SPRR2F: variants seen among roughly 807,000 people sequenced by gnomAD.
The protein encoded by SPRR2F is small proline-rich protein 2F.
In SPRR2F, 2 loss-of-function variants were observed where a neutral mutation model predicts 0.8. The observed-to-expected ratio is 2.52, with a 90% CI of 1.03 to 7.95. The LOEUF (loss-of-function observed/expected upper bound fraction) is 7.95, where lower values mean the gene tolerates loss of function less well. Among genes scored for constraint, SPRR2F ranks in the 30% most tolerant of loss-of-function variants. SPRR2F has a pLI of 0.04. For missense variants in SPRR2F, 80 were observed against 85.8 expected, an observed-to-expected ratio of 0.93 and a Z score of 0.27; for synonymous variants, 39 against 33.4, an observed-to-expected ratio of 1.17 and a Z score of -0.58.
At chr1:153,114,821 T>G (rs1187862383), upstream of SPRR2F, among the ~76,000 whole-genome samples, 1 of 152,212 alleles carries the variant, frequency 6.6e-6, no homozygotes, top group Non-Finnish European at 1.5e-5. Flanking sequence ...CTCTTTCATA[T>G]CTTTTGTAAA....
At position 153,112,359 on chromosome 1, in the gene SPRR2F, G is replaced by T; in HGVS notation, c.*156C>A. ...GGCAGCCTCAAAAAGAAAACCTTTT[G>T]CTATCAGAGATCATCACAGGCCGAT... On this transcript the variant is annotated 3_prime_UTR_variant, in exon 2 of 2. Transcript: ENST00000468739. The T allele has an allele frequency of 7.3e-7, 1 of 1,368,876 alleles. No homozygotes were observed. Among genetic ancestry groups the T allele is most frequent in the Non-Finnish European group, 9.9e-7 (1 of 1,010,792 alleles). The allele number at this position is 1,368,876 out of a possible 1,614,324, so 84.8% of individuals were successfully genotyped here. A position where few individuals can be genotyped will look rare whatever the true frequency, so the allele number is the denominator to read the frequency against.
At chr1:153,118,639 G>T in the SPRR2F span, among the ~76,000 whole-genome samples, 1 of 151,944 alleles carries the variant, frequency 6.6e-6, no homozygotes, top group Non-Finnish European at 1.5e-5. Context: ...AAATGAGGGC[G>T]AAATTATAAC....
In SPRR2F at chr1:153,112,240, C is replaced by A; in HGVS notation, c.*275G>T. ...ACATCAACAGAATTCTCTAATGGTT[C>A]CCAGGGAGAGAGCTGCTCTTTCTTC... On this transcript the variant is annotated 3_prime_UTR_variant, in exon 2 of 2. Coordinates refer to ENST00000468739, the MANE Select transcript of SPRR2F (RefSeq NM_001014450.3). 1.9e-6 allele frequency: 1 copy of A among 522,560 alleles called. No homozygotes were observed. The highest frequency in any genetic ancestry group is 4.6e-5 in the South Asian group (1 of 21,832). 32.4% of individuals were successfully genotyped at this position (522,560 alleles called of 1,614,324 possible).
the SPRR2F span, among the ~76,000 whole-genome samples, chr1:153,118,588 T>A: frequency 2.0e-5 from 3 of 151,994 alleles, no homozygotes; most frequent in Admixed American, 6.6e-5. Flanking sequence ...AAGGAAAAAA[T>A]GGCAACCTAG....
At chr1:153,114,041 C>T (rs373646170), upstream of SPRR2F, among the ~76,000 whole-genome samples, 2 of 121,666 alleles carry the variant, frequency 1.6e-5, no homozygotes, top group African/African-American at 7.0e-5. Context: ...GTTGTGTGAC[C>T]ACAGGCAGGT....
chr1:153,119,294 T>A, the SPRR2F span, among the ~76,000 whole-genome samples: 1 of 152,092 alleles, frequency 6.6e-6, no homozygotes, highest in East Asian at 1.9e-4. Flanking sequence ...AAACAGAGAT[T>A]GGTGGAATGG....
upstream of SPRR2F, among the ~76,000 whole-genome samples, chr1:153,113,968 C>T (rs1432539167): frequency 6.9e-6 from 1 of 144,988 alleles, no homozygotes; most frequent in Non-Finnish European, 1.5e-5. Context: ...AGAGACCTAA[C>T]AAAGGCCTGG....
Position 153,112,238 on chromosome 1 carries a change from T to C in SPRR2F, c.*277A>G, listed in dbSNP as rs1655603042. 1 of 517,826 alleles carries C rather than the reference T, an allele frequency of 1.9e-6. No individual in the cohort carries two copies. 32.1% of individuals were successfully genotyped at this position (517,826 alleles called of 1,614,324 possible). A position where few individuals can be genotyped will look rare whatever the true frequency, so the allele number is the denominator to read the frequency against. On this transcript the variant is annotated 3_prime_UTR_variant, in exon 2 of 2. Coordinates refer to ENST00000468739, the MANE Select transcript of SPRR2F (RefSeq NM_001014450.3). ...AAACATCAACAGAATTCTCTAATGG[T>C]TCCCAGGGAGAGAGCTGCTCTTTCT...
chr1:153,115,263 A>G (rs558797571), upstream of SPRR2F, among the ~76,000 whole-genome samples: 53 of 152,348 alleles, frequency 3.5e-4, no homozygotes, highest in South Asian at 0.011. Flanking sequence ...ATCAGGGGAC[A>G]AAGTAAAGGG....
At chr1:153,117,130 G>T (rs1332802096), upstream of SPRR2F, among the ~76,000 whole-genome samples, 1 of 151,868 alleles carries the variant, frequency 6.6e-6, no homozygotes, top group Admixed American at 6.6e-5. Flanking sequence ...ATTTCTTTTA[G>T]GTCAGAGCCA....
Position 153,112,457 on chromosome 1 carries a change from G to A in SPRR2F, c.*58C>T. 6.4e-7 allele frequency: 1 copy of A among 1,567,284 alleles called. No individual in the cohort carries two copies. Among genetic ancestry groups the A allele is most frequent in the Non-Finnish European group, 8.6e-7 (1 of 1,156,246 alleles). On this transcript the variant is annotated 3_prime_UTR_variant, in exon 2 of 2. Transcript: ENST00000468739. ...GATGAGAAGATGCAGGTGGAGCTGTGGAACGAGGTGAGCCAATTATCCTTA... is the reference window on the plus strand; with the variant it reads ...GATGAGAAGATGCAGGTGGAGCTGTAGAACGAGGTGAGCCAATTATCCTTA...
chr1:153,114,782 A>T (rs1269080933), upstream of SPRR2F, among the ~76,000 whole-genome samples: 1 of 152,186 alleles, frequency 6.6e-6, no homozygotes, highest in Non-Finnish European at 1.5e-5. Context: ...TTCACTCAAC[A>T]TATATATTGT....
chr1:153,112,184 C>G lies in SPRR2F; in HGVS notation c.*331G>C. 2.5e-6 allele frequency: 1 copy of G among 402,412 alleles called. No homozygotes were observed. Among genetic ancestry groups the G allele is most frequent in the Non-Finnish European group, 4.4e-6 (1 of 227,728 alleles). The allele number at this position is 402,412 out of a possible 1,614,324, so 24.9% of individuals were successfully genotyped here. A position where few individuals can be genotyped will look rare whatever the true frequency, so the allele number is the denominator to read the frequency against. Reference sequence around the variant, plus strand: ...GTGACAACTGCACAGGTGGTGGAAGCTCATGCCCAGGGGACAGACAGACAC... The same window carrying G: ...GTGACAACTGCACAGGTGGTGGAAGGTCATGCCCAGGGGACAGACAGACAC... On this transcript the variant is annotated 3_prime_UTR_variant, in exon 2 of 2. Transcript: ENST00000468739.
chr1:153,113,210 G>GA (rs1425259967), intron 1 of SPRR2F, among the ~76,000 whole-genome samples: 1 of 151,884 alleles, frequency 6.6e-6, no homozygotes, highest in Non-Finnish European at 1.5e-5. Flanking sequence ...GAAAAGCAGA[G>GA]AAAAAAAGAA....
At chr1:153,116,678 G>A (rs928745880), upstream of SPRR2F, among the ~76,000 whole-genome samples, 1 of 152,002 alleles carries the variant, frequency 6.6e-6, no homozygotes, top group African/African-American at 2.4e-5. Context: ...CCTCCTACCA[G>A]TGACATAAAC....
chr1:153,115,882 T>G (rs1655714198), upstream of SPRR2F, among the ~76,000 whole-genome samples: 2 of 152,214 alleles, frequency 1.3e-5, no homozygotes, highest in Admixed American at 1.3e-4. Flanking sequence ...TTGAAGGGAT[T>G]ATTAAGTTTA....
At chr1:153,118,653 C>A in the SPRR2F span, among the ~76,000 whole-genome samples, 1 of 152,110 alleles carries the variant, frequency 6.6e-6, no homozygotes, top group Non-Finnish European at 1.5e-5. Context: ...TTATAACATT[C>A]TCTAATAATC....
upstream of SPRR2F, among the ~76,000 whole-genome samples, chr1:153,117,929 A>T (rs1655749484): frequency 6.6e-6 from 1 of 152,126 alleles, no homozygotes. Flanking sequence ...GAGGGCTGAC[A>T]GCATTGTACC....
chr1:153,114,588 T>C (rs1327905557), upstream of SPRR2F, among the ~76,000 whole-genome samples: 1 of 152,154 alleles, frequency 6.6e-6, no homozygotes, highest in Non-Finnish European at 1.5e-5. Flanking sequence ...ACAAATTAAG[T>C]ATAATCTAAT....
Sources: allele counts gnomAD v4.1 joint callset (sites outside exome capture counted in the v4.1 genomes callset), GRCh38; gene constraint gnomAD v4.1.1; transcripts MANE v1.5; gene names NCBI Gene and HGNC (gene_info 2026-07-23, HGNC 2026-07-21).